The following SNTG1 variants were observed in gnomAD, a reference collection of about 807,000 sequenced individuals.
The protein encoded by SNTG1 is gamma-1-syntrophin.
In SNTG1, 39 loss-of-function variants were observed where a neutral mutation model predicts 74.7. The observed-to-expected ratio is 0.52, with a 90% CI of 0.40 to 0.68. The LOEUF is 0.68. Among genes scored for constraint, SNTG1 ranks in the 30% least tolerant of loss-of-function variants. The probability of loss-of-function intolerance (pLI) is 0.00; values close to 1 mark genes in which losing one functional copy is unlikely to be tolerated. For synonymous variants in SNTG1, 254 were observed against 217.1 expected (o/e 1.17, Z -1.49); for missense variants, 685 against 609.5 (o/e 1.12, Z -1.30).
intron 1 of SNTG1, among the ~76,000 whole-genome samples, chr8:50,104,652 G>A (rs1047610747): frequency 2.0e-5 from 3 of 152,132 alleles, no homozygotes; most frequent in African/African-American, 4.8e-5. Flanking sequence ...TCATTGTGAT[G>A]TTACGGTGTC....
At chr8:50,708,816 G>GT (rs1348335745) in intron 16 of SNTG1, 70 bp from the exon 17 acceptor site, 2 of 992,890 alleles carry the variant, frequency 2.0e-6, no homozygotes, top group Non-Finnish European at 3.2e-6. Context: ...TGCAGAAGCT[G>GT]TAACATAGTT....
intron 2 of SNTG1, among the ~76,000 whole-genome samples, chr8:50,385,499 T>C (rs926859635): frequency 6.6e-6 from 1 of 152,238 alleles, no homozygotes; most frequent in African/African-American, 2.4e-5. Flanking sequence ...ACAAATGTCT[T>C]GTTAATAAGC....
At chr8:49,971,465 T>C (rs1266963939) in intron 1 of SNTG1, among the ~76,000 whole-genome samples, 1 of 152,118 alleles carries the variant, frequency 6.6e-6, no homozygotes, top group African/African-American at 2.4e-5. Context: ...ACAAGACAGA[T>C]GCCCTCCCTC....
At chr8:50,625,246 G>T (rs1395797330) in intron 13 of SNTG1, among the ~76,000 whole-genome samples, 1 of 152,198 alleles carries the variant, frequency 6.6e-6, no homozygotes, top group Non-Finnish European at 1.5e-5. Flanking sequence ...ATGATTAGCT[G>T]CTGGGCTTTA....
chr8:49,951,947 G>A (rs2129392540), intron 1 of SNTG1, among the ~76,000 whole-genome samples: 1 of 149,592 alleles, frequency 6.7e-6, no homozygotes, highest in African/African-American at 2.5e-5. Context: ...TGAGTGAAGG[G>A]AGTAGTAAGG....
At chr8:50,325,885 T>C (rs1563900453) in intron 2 of SNTG1, among the ~76,000 whole-genome samples, 1 of 152,084 alleles carries the variant, frequency 6.6e-6, no homozygotes, top group African/African-American at 2.4e-5. Flanking sequence ...ATGTTCTTTT[T>C]CAAGTTCAGG....
intron 2 of SNTG1, among the ~76,000 whole-genome samples, chr8:50,241,186 T>C (rs2086148771): frequency 6.6e-6 from 1 of 152,252 alleles, no homozygotes; most frequent in Non-Finnish European, 1.5e-5. Context: ...TTTTGTGTTT[T>C]TAATTTTACA....
At chr8:50,628,899 T>G (rs2094976063) in intron 13 of SNTG1, among the ~76,000 whole-genome samples, 1 of 152,192 alleles carries the variant, frequency 6.6e-6, no homozygotes, top group Non-Finnish European at 1.5e-5. Context: ...ACCAGAATAT[T>G]CCTGCATACC....
chr8:50,234,270 A>T (rs2085780424), intron 2 of SNTG1, among the ~76,000 whole-genome samples: 1 of 151,990 alleles, frequency 6.6e-6, no homozygotes, highest in Admixed American at 6.6e-5. Flanking sequence ...GATATGAAGA[A>T]CATTACACTG....
At chr8:50,335,091 T>C (rs2091096996) in intron 2 of SNTG1, among the ~76,000 whole-genome samples, 1 of 152,242 alleles carries the variant, frequency 6.6e-6, no homozygotes, top group Non-Finnish European at 1.5e-5. Flanking sequence ...TATTAAGTGT[T>C]CAAACAATGT....
intron 4 of SNTG1, among the ~76,000 whole-genome samples, chr8:50,430,642 C>G (rs1304764625): frequency 6.6e-6 from 1 of 152,182 alleles, no homozygotes; most frequent in East Asian, 1.9e-4. Flanking sequence ...ATTGGCAGAA[C>G]TTGCAGACAG....
chr8:50,533,462 A>G (rs1386768057), intron 10 of SNTG1, among the ~76,000 whole-genome samples: 1 of 152,198 alleles, frequency 6.6e-6, no homozygotes, highest in Non-Finnish European at 1.5e-5. Flanking sequence ...GTAGGAAACA[A>G]CATTCTTGAC....
At chr8:49,959,925 C>A (rs1035110579) in intron 1 of SNTG1, among the ~76,000 whole-genome samples, 2 of 152,066 alleles carry the variant, frequency 1.3e-5, no homozygotes, top group African/African-American at 4.8e-5. Flanking sequence ...CTAGTTTAAC[C>A]CTTATGCTTT....
intron 1 of SNTG1, among the ~76,000 whole-genome samples, chr8:50,110,175 T>C (rs2080528539): frequency 6.6e-6 from 1 of 152,174 alleles, no homozygotes; most frequent in Non-Finnish European, 1.5e-5. Flanking sequence ...ATGCATCTAG[T>C]GACATTCTGG....
chr8:50,660,340 AAG>A (rs1305622217), intron 15 of SNTG1, among the ~76,000 whole-genome samples: 68 of 138,010 alleles, frequency 4.9e-4, no homozygotes, highest in African/African-American at 1.3e-3. Context: ...GAAAGAAAGA[AAG>A]AGAAAGAAAG....
In SNTG1 at chr8:50,462,794, CTCTTTTTTTTTTTTTTTTTTTTTT is replaced by C. The variant is rs1310348476; in HGVS notation, c.363+12067_363+12090del. Among the ~76,000 whole-genome samples the C allele has an allele frequency of 8.9e-4, 39 of 43,626 alleles. 1 individual carries two copies. In the South Asian group the frequency reaches 0.011, roughly 12 times the overall value. 28.6% of individuals were successfully genotyped at this position (43,626 alleles called of 152,430 possible). A position where few individuals can be genotyped will look rare whatever the true frequency, so the allele number is the denominator to read the frequency against. On this transcript the variant is annotated intron_variant, in intron 8 of 18. Transcript: ENST00000642720. ...AACTCAGTCGCATCTTCAGGTTCTA[CTCTTTTTTTTTTTTTTTTTTTTTT>C]TTTTTTTTTTTTTTTTTGAGACGAA... is the stretch of plus-strand genomic sequence containing the variant.
chr8:50,374,476 G>C (rs2092334908), intron 2 of SNTG1, among the ~76,000 whole-genome samples: 1 of 152,040 alleles, frequency 6.6e-6, no homozygotes, highest in South Asian at 2.1e-4. Flanking sequence ...TTTTTATATG[G>C]GCAGCTCAAC....
chr8:50,468,150 C>A (rs570389776), intron 8 of SNTG1, among the ~76,000 whole-genome samples: 1 of 151,306 alleles, frequency 6.6e-6, no homozygotes. Context: ...TCTATTATAA[C>A]AATAGTACTG....
chr8:49,916,586 C>T (rs552105477), intron 1 of SNTG1, among the ~76,000 whole-genome samples: 1 of 152,176 alleles, frequency 6.6e-6, no homozygotes, highest in South Asian at 2.1e-4. Flanking sequence ...CTCACAATTT[C>T]GGTCTAAGAT....
Sources: allele counts gnomAD v4.1 joint callset (sites outside exome capture counted in the v4.1 genomes callset), GRCh38; gene constraint gnomAD v4.1.1; transcripts MANE v1.5; gene names NCBI Gene and HGNC (gene_info 2026-07-23, HGNC 2026-07-21).